TMEM117: variants seen among roughly 807,000 people sequenced by gnomAD.
TMEM117 encodes the protein transmembrane protein 117.
TMEM117 carries 27 observed loss-of-function variants against 52.4 expected under a neutral mutation model. That is an observed-to-expected ratio of 0.51 (90% confidence interval 0.38 to 0.71). The LOEUF is 0.71. Ranked by LOEUF, TMEM117 falls within the 30% of genes least tolerant of loss-of-function variation. The pLI is 0.00. For missense variants in TMEM117, 556 were observed against 630.5 expected (o/e 0.88, Z 1.26); for synonymous variants, 215 against 206.3 (o/e 1.04, Z -0.36).
At chr12:43,868,778 G>A (rs1943654012) in intron 2 of TMEM117, among the ~76,000 whole-genome samples, 2 of 152,174 alleles carry the variant, frequency 1.3e-5, no homozygotes, top group South Asian at 2.1e-4. Context: ...TGTTTTTATT[G>A]TAAGGGGTTG....
intron 3 of TMEM117, among the ~76,000 whole-genome samples, chr12:43,996,598 A>C (rs565935860): frequency 3.3e-5 from 5 of 151,992 alleles, no homozygotes; most frequent in East Asian, 3.9e-4. Context: ...AGCTGAGATC[A>C]CGCCACTGCA....
rs559683354 is a variant in TMEM117 at position 44,295,675 on chromosome 12, CT to C, written c.609-3904del. Among the ~76,000 whole-genome samples the C allele has an allele frequency of 8.7e-3, 1,277 of 146,060 alleles. 12 individuals are homozygous for C. Among genetic ancestry groups the C allele is most frequent in the African/African-American group, 0.032 (1,208 of 38,026 alleles). On this transcript the variant is annotated intron_variant, in intron 5 of 7. Coordinates refer to ENST00000266534, the MANE Select transcript of TMEM117 (RefSeq NM_032256.3). ...TATTGTATTCTTCAATCCAGGATTT[CT>C]GTTTTTTTTTTTATGGTTTCTATTT...
At chr12:44,092,191 G>T (rs1852588958) in intron 3 of TMEM117, among the ~76,000 whole-genome samples, 1 of 152,196 alleles carries the variant, frequency 6.6e-6, no homozygotes, top group East Asian at 1.9e-4. Context: ...GCTAAGTATA[G>T]AAATAAGTCA....
At chr12:43,961,759 G>T (rs1945407554) in intron 3 of TMEM117, among the ~76,000 whole-genome samples, 1 of 152,116 alleles carries the variant, frequency 6.6e-6, no homozygotes, top group African/African-American at 2.4e-5. Flanking sequence ...GTTATCTAGA[G>T]CCCATACGAT....
At chr12:44,380,272 G>T (rs918525062) in intron 7 of TMEM117, among the ~76,000 whole-genome samples, 1 of 152,166 alleles carries the variant, frequency 6.6e-6, no homozygotes, top group African/African-American at 2.4e-5. Flanking sequence ...CAGCAGAGGA[G>T]ACTATGATTG....
At chr12:44,155,284 A>G (rs562289682) in intron 4 of TMEM117, among the ~76,000 whole-genome samples, 1 of 152,250 alleles carries the variant, frequency 6.6e-6, no homozygotes. Flanking sequence ...ATGTAAAGTC[A>G]TAACAAATTA....
intron 5 of TMEM117, among the ~76,000 whole-genome samples, chr12:44,233,040 G>T (rs1307868545): frequency 2.0e-5 from 3 of 150,928 alleles, no homozygotes; most frequent in South Asian, 2.1e-4. Flanking sequence ...GTTTATTTTT[G>T]ATCTTATTAA....
chr12:44,193,946 G>T (rs891019303), intron 4 of TMEM117, among the ~76,000 whole-genome samples: 4 of 152,120 alleles, frequency 2.6e-5, no homozygotes, highest in African/African-American at 9.7e-5. Context: ...AGAAACAAGT[G>T]TCATGAGAAA....
the TMEM117 span, among the ~76,000 whole-genome samples, chr12:44,398,081 G>GT: frequency 8.8e-3 from 1,229 of 139,348 alleles, 13 homozygotes; most frequent in Middle Eastern, 0.027. Flanking sequence ...GTGGGTGGTT[G>GT]TTTTTTTTTT....
chr12:43,839,356 G>T (rs1460645858), intron 1 of TMEM117, among the ~76,000 whole-genome samples: 1 of 152,106 alleles, frequency 6.6e-6, no homozygotes, highest in Admixed American at 6.5e-5. Context: ...CTCATGATCA[G>T]ATGCTACCTT....
chr12:44,336,691 T>C (rs1444002667), intron 6 of TMEM117, among the ~76,000 whole-genome samples: 1 of 151,954 alleles, frequency 6.6e-6, no homozygotes, highest in Non-Finnish European at 1.5e-5. Flanking sequence ...TTAAAGCCTG[T>C]TTTAAAAAAA....
At chr12:44,174,768 C>T (rs2138294455) in intron 4 of TMEM117, among the ~76,000 whole-genome samples, 1 of 152,232 alleles carries the variant, frequency 6.6e-6, no homozygotes, top group African/African-American at 2.4e-5. Flanking sequence ...ATTTGATGAA[C>T]ATTTCGTACA....
chr12:43,929,213 A>G (rs532297907), intron 2 of TMEM117, among the ~76,000 whole-genome samples: 17 of 152,292 alleles, frequency 1.1e-4, no homozygotes, highest in Admixed American at 9.8e-4. Flanking sequence ...TCCCACCAAC[A>G]GTGTAAACCA....
intron 3 of TMEM117, among the ~76,000 whole-genome samples, chr12:44,032,964 A>G (rs1946656629): frequency 6.6e-6 from 1 of 152,188 alleles, no homozygotes; most frequent in Admixed American, 6.5e-5. Context: ...GCAGGTTAAA[A>G]TGAGGCTGGG....
intron 3 of TMEM117, among the ~76,000 whole-genome samples, chr12:43,970,850 A>T (rs546277653): frequency 6.6e-6 from 1 of 151,934 alleles, no homozygotes; most frequent in South Asian, 2.1e-4. Flanking sequence ...TTCTAGCTTG[A>T]TTCACTGTCT....
chr12:44,381,986 T>A (rs1253819845), intron 7 of TMEM117, among the ~76,000 whole-genome samples: 1 of 152,188 alleles, frequency 6.6e-6, no homozygotes, highest in Non-Finnish European at 1.5e-5. Flanking sequence ...CATGAATTTA[T>A]CCAAAGTACA....
Position 43,838,766 on chromosome 12 carries a change from G to A in TMEM117, c.-29+2570G>A, listed in dbSNP as rs115299778. Among the ~76,000 whole-genome samples the A allele has an allele frequency of 7.6e-3, 1,150 of 151,704 alleles. 13 individuals carry two copies. Among genetic ancestry groups the A allele is most frequent in the African/African-American group, 0.025 (1,047 of 41,276 alleles). On this transcript the variant is annotated intron_variant, in intron 1 of 7. Coordinates refer to ENST00000266534, the MANE Select transcript of TMEM117 (RefSeq NM_032256.3). The stretch of plus-strand genomic sequence containing the variant: ...ACTTTGGGGTTATATAGAGGTAGTC[G>A]TGCCTGTTTCTGTCAGCTGGTAGCT...
At chr12:43,833,847 C>A (rs1482397121), upstream of TMEM117, among the ~76,000 whole-genome samples, 1 of 151,662 alleles carries the variant, frequency 6.6e-6, no homozygotes, top group East Asian at 1.9e-4. Context: ...AACCTCAGCA[C>A]TTTGAGAGGA....
chr12:43,802,254 A>C, the TMEM117 span: 6 of 1,413,958 alleles, frequency 4.2e-6, no homozygotes, highest in Non-Finnish European at 5.7e-6. Flanking sequence ...TCTAGCATTT[A>C]ATGTTAAACA....
Sources: gnomAD v4.1 joint callset for allele counts (sites outside exome capture counted in the v4.1 genomes callset) on GRCh38, gnomAD v4.1.1 for gene constraint, MANE v1.5 for transcripts, NCBI Gene and HGNC (gene_info 2026-07-23, HGNC 2026-07-21) for gene names.